The following STIM2 variants were observed in gnomAD, a reference collection of about 807,000 sequenced individuals.
The protein encoded by STIM2 is stromal interaction molecule 2.
STIM2 carries 31 observed loss-of-function variants against 85.8 expected under a neutral mutation model. The ratio of observed to expected loss-of-function variants is 0.36; its 90% CI spans 0.27 to 0.49. The LOEUF is 0.49. Ranked by LOEUF, STIM2 falls within the 20% of genes least tolerant of loss-of-function variation. STIM2 has a pLI of 0.98. For synonymous variants in STIM2, 356 were observed against 331.1 expected (o/e 1.08, Z -0.82); for missense variants, 841 against 927.6 (o/e 0.91, Z 1.21).
chr4:26,868,155 T>C (rs1439348799), intron 1 of STIM2, among the ~76,000 whole-genome samples: 1 of 152,218 alleles, frequency 6.6e-6, no homozygotes, highest in Non-Finnish European at 1.5e-5. Flanking sequence ...TTCAGTGTTT[T>C]CATAAGATAG....
intron 4 of STIM2, 25 bp from the exon 5 acceptor site, chr4:26,999,207 G>A (rs780292360): frequency 2.6e-4 from 265 of 1,026,196 alleles, no homozygotes; most frequent in Non-Finnish European, 3.2e-4. Context: ...ATATATATAT[G>A]TGTGTGTGTT....
chr4:26,965,434 TCATA>T (rs1457775387), intron 3 of STIM2, among the ~76,000 whole-genome samples: 2 of 152,146 alleles, frequency 1.3e-5, no homozygotes, highest in Non-Finnish European at 2.9e-5. Flanking sequence ...TTTTTGTACT[TCATA>T]CAGAGTTTGC....
intron 11 of STIM2, chr4:27,020,924 C>T: frequency 7.6e-7 from 1 of 1,324,402 alleles, no homozygotes; most frequent in Non-Finnish European, 1.0e-6. Flanking sequence ...TCCCTTCTCA[C>T]ACTGTATTTC....
chr4:26,987,632 T>C (rs1441038149), intron 3 of STIM2, among the ~76,000 whole-genome samples: 2 of 152,164 alleles, frequency 1.3e-5, no homozygotes, highest in Non-Finnish European at 2.9e-5. Flanking sequence ...CCTTTCGAGC[T>C]GTTAGAGCCC....
At chr4:26,911,276 A>T (rs886363891) in intron 1 of STIM2, among the ~76,000 whole-genome samples, 2 of 148,712 alleles carry the variant, frequency 1.3e-5, no homozygotes, top group African/African-American at 4.9e-5. Flanking sequence ...GAAATAAAAT[A>T]AAAAAAATGA....
chr4:26,948,037 A>G (rs555913846), intron 2 of STIM2, among the ~76,000 whole-genome samples: 15 of 152,226 alleles, frequency 9.9e-5, no homozygotes, highest in Non-Finnish European at 1.9e-4. Context: ...TTACAAAAGC[A>G]AAAAGGAAAT....
chr4:27,002,185 ATTAAT>A (rs1438858060), intron 5 of STIM2, 27 bp from the exon 6 acceptor site: 8 of 1,550,834 alleles, frequency 5.2e-6, no homozygotes, highest in African/African-American at 2.8e-5. Context: ...ATACTCAAAG[ATTAAT>A]TTAATCATCT....
At chr4:26,877,538 A>T (rs1358901967) in intron 1 of STIM2, among the ~76,000 whole-genome samples, 35 of 146,102 alleles carry the variant, frequency 2.4e-4, no homozygotes, top group African/African-American at 4.5e-4. Flanking sequence ...TTCCTTCTTT[A>T]AATGTGTCAT....
chr4:26,981,098 A>G (rs1388379905), intron 3 of STIM2, among the ~76,000 whole-genome samples: 1 of 152,202 alleles, frequency 6.6e-6, no homozygotes, highest in African/African-American at 2.4e-5. Flanking sequence ...GTGAGTAAGA[A>G]TGCAGAGCTT....
intron 11 of STIM2, chr4:27,019,547 T>C: frequency 8.4e-7 from 1 of 1,190,056 alleles, no homozygotes; most frequent in Non-Finnish European, 1.1e-6. Context: ...AATAGCAATG[T>C]CAAAGTTTCA....
intron 3 of STIM2, among the ~76,000 whole-genome samples, chr4:26,975,572 A>G (rs978384388): frequency 2.6e-5 from 4 of 152,148 alleles, no homozygotes; most frequent in Non-Finnish European, 5.9e-5. Context: ...AGGCTGCAGA[A>G]CAGCAAATAT....
chr4:26,885,857 A>ATATGTATATATATATATATATG (rs1723214381), intron 1 of STIM2, among the ~76,000 whole-genome samples: 2 of 67,816 alleles, frequency 2.9e-5, no homozygotes, highest in East Asian at 9.0e-4. Context: ...ATATATATAT[A>ATATGTATATATATATATATATG]TATATATATA....
intron 1 of STIM2, among the ~76,000 whole-genome samples, chr4:26,909,039 A>T (rs986091200): frequency 2.0e-5 from 3 of 152,208 alleles, no homozygotes; most frequent in African/African-American, 7.2e-5. Context: ...TGATTGCGCC[A>T]CTGTGCTTCA....
chr4:26,965,357 G>A (rs1260787639), intron 3 of STIM2, among the ~76,000 whole-genome samples: 1 of 152,108 alleles, frequency 6.6e-6, no homozygotes, highest in Non-Finnish European at 1.5e-5. Flanking sequence ...TAGAAAAATA[G>A]TGTCTCTCTT....
At chr4:26,971,358 A>C (rs1726941607) in intron 3 of STIM2, among the ~76,000 whole-genome samples, 1 of 152,066 alleles carries the variant, frequency 6.6e-6, no homozygotes, top group Non-Finnish European at 1.5e-5. Flanking sequence ...GTTTTCTTCT[A>C]GCGTTTTTAT....
intron 2 of STIM2, among the ~76,000 whole-genome samples, chr4:26,943,306 C>G (rs1725688278): frequency 1.3e-5 from 2 of 151,954 alleles, no homozygotes. Flanking sequence ...TACACATATT[C>G]AAAATAATTA....
intron 1 of STIM2, among the ~76,000 whole-genome samples, chr4:26,862,108 T>C (rs1722233377): frequency 6.6e-6 from 1 of 152,150 alleles, no homozygotes; most frequent in Admixed American, 6.5e-5. Context: ...ACAGTTCTGA[T>C]AGACTGCACT....
rs114501372 is a variant in STIM2, at chr4:26,896,041, T to C, written c.152-23463T>C. ...TTGGGCCATGTCCTCATCTGGAGCATGGAGTCCTCTTCCAGGCTTATTCTG... is the reference window on the plus strand; with the variant it reads ...TTGGGCCATGTCCTCATCTGGAGCACGGAGTCCTCTTCCAGGCTTATTCTG... On this transcript the variant is annotated intron_variant, in intron 1 of 11. Transcript: ENST00000467087. 4.0e-3 allele frequency among the ~76,000 whole-genome samples: 602 copies of C among 152,330 alleles called. 6 individuals are homozygous for C. Among genetic ancestry groups the C allele is most frequent in the African/African-American group, 0.014 (571 of 41,572 alleles).
chr4:26,969,461 A>G (rs977138189), intron 3 of STIM2, among the ~76,000 whole-genome samples: 1 of 152,228 alleles, frequency 6.6e-6, no homozygotes, highest in Non-Finnish European at 1.5e-5. Context: ...ACTTTTAATG[A>G]TAGTGCTACA....
Sources: gnomAD v4.1 joint callset for allele counts (sites outside exome capture counted in the v4.1 genomes callset) on GRCh38, gnomAD v4.1.1 for gene constraint, MANE v1.5 for transcripts, NCBI Gene and HGNC (gene_info 2026-07-23, HGNC 2026-07-21) for gene names.